CDC14B: variants seen among roughly 807,000 people sequenced by gnomAD.
The protein encoded by CDC14B is cell division cycle 14B.
In CDC14B, 22 loss-of-function variants were observed where a neutral mutation model predicts 64.2. The observed-to-expected ratio is 0.34, with a 90% CI of 0.24 to 0.49. CDC14B has a LOEUF of 0.49. Ranked by LOEUF, CDC14B falls within the 20% of genes least tolerant of loss-of-function variation. The probability of loss-of-function intolerance (pLI) is 0.99; values close to 1 mark genes in which losing one functional copy is unlikely to be tolerated. For synonymous variants in CDC14B, 191 were observed against 215.8 expected (o/e 0.89, Z 1.01); for missense variants, 498 against 629.9 (o/e 0.79, Z 2.24).
At chr9:96,588,451 G>A (rs765107103) in intron 1 of CDC14B, among the ~76,000 whole-genome samples, 6 of 152,210 alleles carry the variant, frequency 3.9e-5, no homozygotes, top group Non-Finnish European at 8.8e-5. Flanking sequence ...TTTTGAGTTA[G>A]TTTTATCCAG....
intron 1 of CDC14B, among the ~76,000 whole-genome samples, chr9:96,614,423 T>C (rs531594488): frequency 9.2e-5 from 14 of 152,216 alleles, no homozygotes; most frequent in Admixed American, 3.3e-4. Flanking sequence ...GCTCAAGCGA[T>C]CTGCCCGCCT....
intron 13 of CDC14B, among the ~76,000 whole-genome samples, chr9:96,508,533 G>A (rs1834479890): frequency 1.3e-5 from 2 of 152,178 alleles, no homozygotes; most frequent in Non-Finnish European, 2.9e-5. Flanking sequence ...GAATCAAACA[G>A]TAAAGAAATA....
chr9:96,552,374 G>T (rs547551868), intron 4 of CDC14B, among the ~76,000 whole-genome samples: 1 of 152,274 alleles, frequency 6.6e-6, no homozygotes, highest in African/African-American at 2.4e-5. Flanking sequence ...TGTTTTCGAC[G>T]CTCATTGACT....
At chr9:96,519,705 C>T (rs924682330) in intron 12 of CDC14B, among the ~76,000 whole-genome samples, 1 of 147,362 alleles carries the variant, frequency 6.8e-6, no homozygotes, top group African/African-American at 2.5e-5. Flanking sequence ...CACTCCAGCC[C>T]GGCCAACAGA....
At chr9:96,539,744 T>A (rs573023897) in intron 6 of CDC14B, among the ~76,000 whole-genome samples, 72 of 152,286 alleles carry the variant, frequency 4.7e-4, no homozygotes, top group Non-Finnish European at 9.4e-4. Flanking sequence ...ACAAAAAAAA[T>A]TTCTGTCCTA....
chr9:96,565,121 T>A (rs1438833391), intron 2 of CDC14B, among the ~76,000 whole-genome samples: 6 of 152,122 alleles, frequency 3.9e-5, no homozygotes, highest in Non-Finnish European at 8.8e-5. Context: ...TTTCCACACA[T>A]ATTTCCAAGG....
chr9:96,527,357 C>A (rs567072925), intron 9 of CDC14B, among the ~76,000 whole-genome samples: 1 of 152,236 alleles, frequency 6.6e-6, no homozygotes, highest in African/African-American at 2.4e-5. Flanking sequence ...TGAGATCGTG[C>A]CACTGCACTC....
intron 13 of CDC14B, 107 bp downstream of exon 13, chr9:96,509,566 A>C: frequency 1.3e-6 from 1 of 753,204 alleles, no homozygotes; most frequent in Non-Finnish European, 2.4e-6. Flanking sequence ...CATCACAGAG[A>C]CTCTACTTTC....
chr9:96,517,391 A>G (rs73542450), intron 12 of CDC14B, among the ~76,000 whole-genome samples: 116,640 of 147,530 alleles, frequency 0.79, 47,053 homozygotes, highest in East Asian at 0.98. Context: ...GGTGGCTCAC[A>G]CCTGTAATCC....
intron 1 of CDC14B, among the ~76,000 whole-genome samples, chr9:96,593,121 C>T (rs1157896143): frequency 6.6e-6 from 1 of 152,050 alleles, no homozygotes; most frequent in Non-Finnish European, 1.5e-5. Flanking sequence ...AAAAGTTTAA[C>T]ATGTAATGTG....
At chr9:96,618,056 A>G (rs1278578501) in intron 1 of CDC14B, among the ~76,000 whole-genome samples, 1 of 152,160 alleles carries the variant, frequency 6.6e-6, no homozygotes, top group Non-Finnish European at 1.5e-5. Flanking sequence ...TCTGGTTCCC[A>G]AGGGCCATCC....
chr9:96,619,762 C>G lies in CDC14B; in HGVS notation c.-384G>C, dbSNP rs1847859397. 1 of 151,754 alleles carries G rather than the reference C, an allele frequency of 6.6e-6. No homozygotes were observed. Among genetic ancestry groups the G allele is most frequent in the East Asian group, 2.0e-4 (1 of 5,120 alleles). 9.4% of individuals were successfully genotyped at this position (151,754 alleles called of 1,614,324 possible). On this transcript the variant is annotated 5_prime_UTR_variant, in exon 1 of 14. Coordinates refer to ENST00000375241, the MANE Select transcript of CDC14B (RefSeq NM_033331.4). ...CCGTGCGTGCCCACCGCGGCCGCGG[C>G]CGCTGCTGCGTAGGCGCCGGGGCAC...
Position 96,522,608 on chromosome 9 carries a change from G to GT in CDC14B, c.1246-6dup, listed in dbSNP as rs1564234665. 2 of 1,587,612 alleles carry GT rather than the reference G, an allele frequency of 1.3e-6. No individual in the cohort carries two copies. On this transcript the variant is annotated splice_region_variant and splice_polypyrimidine_tract_variant and intron_variant, in intron 11 of 13. Coordinates refer to ENST00000375241, the MANE Select transcript of CDC14B (RefSeq NM_033331.4). ...GATTTCGTCATCATCACTGTACTGTGTAAGTAAAAAAACACTGAGCTAATG... is the reference window on the plus strand; with the variant it reads ...GATTTCGTCATCATCACTGTACTGTGTTAAGTAAAAAAACACTGAGCTAATG...
intron 1 of CDC14B, among the ~76,000 whole-genome samples, chr9:96,603,491 T>C (rs555318641): frequency 4.3e-4 from 65 of 152,320 alleles, no homozygotes; most frequent in South Asian, 6.2e-4. Context: ...GTCATGAAAC[T>C]AGAAACCTGG....
intron 4 of CDC14B, among the ~76,000 whole-genome samples, chr9:96,555,871 C>T (rs567563089): frequency 2.8e-4 from 43 of 152,268 alleles, no homozygotes; most frequent in East Asian, 1.9e-4. Flanking sequence ...TCACCATCTG[C>T]ATGCCAGAGT....
intron 1 of CDC14B, chr9:96,566,945 C>G: frequency 5.3e-6 from 8 of 1,497,314 alleles, no homozygotes; most frequent in Non-Finnish European, 7.1e-6. Flanking sequence ...GCGGGCGCAG[C>G]GACACCCCTC....
Position 96,507,873 on chromosome 9 carries a change from CT to C in CDC14B, c.1460+1799del, listed in dbSNP as rs1834375392. Reference sequence around the variant, plus strand: ...TTATTAGTATCATAGCATATTTTTCCTGTCTTATTTCTATGCATATATAGAA... The same window carrying C: ...TTATTAGTATCATAGCATATTTTTCCGTCTTATTTCTATGCATATATAGAA... On this transcript the variant is annotated intron_variant, in intron 13 of 13. Transcript: ENST00000375241. 3.9e-5 allele frequency among the ~76,000 whole-genome samples: 6 copies of C among 152,208 alleles called. No individual in the cohort carries two copies. The South Asian group carries it at 1.2e-3, about 32-fold the overall frequency.
intron 13 of CDC14B, among the ~76,000 whole-genome samples, chr9:96,505,764 G>A (rs900587188): frequency 1.6e-4 from 25 of 152,166 alleles, no homozygotes. Context: ...CAGGACCGAG[G>A]GCCACACAGG....
chr9:96,505,495 G>A lies in CDC14B; in HGVS notation c.1461-1706C>T, dbSNP rs1283307427. 3.3e-5 allele frequency among the ~76,000 whole-genome samples: 5 copies of A among 152,236 alleles called. No homozygotes were observed. In the East Asian group the frequency reaches 9.6e-4, roughly 29 times the overall value. On this transcript the variant is annotated intron_variant, in intron 13 of 13. Coordinates refer to ENST00000375241, the MANE Select transcript of CDC14B (RefSeq NM_033331.4). ...AAGACATGAGTGAATGCGAGCAAAT[G>A]AGGTGGCTGCAGGCTCTCACTCGGG... is the stretch of plus-strand genomic sequence containing the variant.
Sources: gnomAD v4.1 joint callset for allele counts (sites outside exome capture counted in the v4.1 genomes callset) on GRCh38, gnomAD v4.1.1 for gene constraint, MANE v1.5 for transcripts, NCBI Gene and HGNC (gene_info 2026-07-23, HGNC 2026-07-21) for gene names.